Variants in GREB1L observed in about 807,000 individuals in gnomAD.
The protein encoded by GREB1L is GREB1 like retinoic acid receptor coactivator, also known as GREB1-like protein.
Under a neutral mutation model 200.8 loss-of-function variants are expected in GREB1L, and 17 were observed. The ratio of observed to expected loss-of-function variants is 0.08; its 90% confidence interval spans 0.06 to 0.13. The LOEUF (loss-of-function observed/expected upper bound fraction) is 0.13. Ranked by LOEUF, GREB1L falls within the 10% of genes least tolerant of loss-of-function variation. GREB1L has a pLI of 1.00. For missense variants in GREB1L, 1,657 were observed against 2,367.7 expected (o/e 0.70, Z 6.23); for synonymous variants, 789 against 893.0 (o/e 0.88, Z 2.08).
At chr18:21,262,058 T>C (rs1157832002) in intron 1 of GREB1L, among the ~76,000 whole-genome samples, 1 of 152,144 alleles carries the variant, frequency 6.6e-6, no homozygotes, top group East Asian at 1.9e-4. Context: ...TTGAGTTTTA[T>C]AGTAACCAGT....
At chr18:21,387,311 G>A (rs1259746631) in intron 4 of GREB1L, among the ~76,000 whole-genome samples, 2 of 152,206 alleles carry the variant, frequency 1.3e-5, no homozygotes, top group Non-Finnish European at 2.9e-5. Flanking sequence ...TTTCTGTGAA[G>A]TGAAATCTTT....
chr18:21,409,145 G>A (rs1022799943), intron 7 of GREB1L, among the ~76,000 whole-genome samples: 9 of 152,176 alleles, frequency 5.9e-5, no homozygotes, highest in Non-Finnish European at 1.3e-4. Flanking sequence ...ACTTGTGAAT[G>A]GCTGGACAAA....
chr18:21,317,377 G>T (rs1361956244), intron 1 of GREB1L: 3 of 152,136 alleles, frequency 2.0e-5, no homozygotes, highest in Admixed American at 6.6e-5. Context: ...AAGGTGGGTA[G>T]ATTACTTGAG....
intron 1 of GREB1L, among the ~76,000 whole-genome samples, chr18:21,313,595 A>G (rs1205995828): frequency 6.6e-6 from 1 of 152,230 alleles, no homozygotes; most frequent in Non-Finnish European, 1.5e-5. Flanking sequence ...TAGGACAGCC[A>G]TACCAGCAGT....
At chr18:21,255,443 G>A (rs1355461739) in intron 1 of GREB1L, among the ~76,000 whole-genome samples, 1 of 152,180 alleles carries the variant, frequency 6.6e-6, no homozygotes, top group Non-Finnish European at 1.5e-5. Context: ...CTGACGGAAA[G>A]CACTGCTCTA....
chr18:21,479,861 C>T (rs1459983645), intron 17 of GREB1L, among the ~76,000 whole-genome samples: 1 of 152,118 alleles, frequency 6.6e-6, no homozygotes, highest in Non-Finnish European at 1.5e-5. Context: ...CCACCTCACC[C>T]TCCCAAGTAG....
At chr18:21,511,981 A>T (rs970369107) in intron 27 of GREB1L, among the ~76,000 whole-genome samples, 3 of 152,098 alleles carry the variant, frequency 2.0e-5, no homozygotes, top group African/African-American at 7.2e-5. Context: ...TCTGTTACCC[A>T]CTGAATGGCT....
chr18:21,512,086 T>A (rs2037261025), intron 27 of GREB1L, among the ~76,000 whole-genome samples: 1 of 152,240 alleles, frequency 6.6e-6, no homozygotes, highest in African/African-American at 2.4e-5. Context: ...ACTGTTTTCA[T>A]TACTATAGCT....
intron 1 of GREB1L, among the ~76,000 whole-genome samples, chr18:21,323,374 T>A (rs2038978651): frequency 6.6e-6 from 1 of 152,158 alleles, no homozygotes; most frequent in South Asian, 2.1e-4. Context: ...TAACTGATAC[T>A]ACAGACAAAG....
At chr18:21,467,610 G>A (rs8092018) in intron 15 of GREB1L, among the ~76,000 whole-genome samples, 54,313 of 152,002 alleles carry the variant, frequency 0.36, 14,376 homozygotes, top group African/African-American at 0.72. Flanking sequence ...ATGTGGAGAA[G>A]TTGGAACCTC....
chr18:21,496,063 T>A (rs1306522025), intron 20 of GREB1L, among the ~76,000 whole-genome samples: 1 of 152,116 alleles, frequency 6.6e-6, no homozygotes, highest in Non-Finnish European at 1.5e-5. Flanking sequence ...TATAAAGTGC[T>A]TTGTCTTTGT....
intron 2 of GREB1L, among the ~76,000 whole-genome samples, chr18:21,371,851 A>G (rs1417307243): frequency 6.6e-6 from 1 of 151,578 alleles, no homozygotes; most frequent in East Asian, 1.9e-4. Context: ...TGTGCCAGGC[A>G]CTATTCTAAA....
chr18:21,506,076 A>T, intron 25 of GREB1L, 127 bp downstream of exon 25: 2 of 1,002,500 alleles, frequency 2.0e-6, no homozygotes, highest in East Asian at 5.4e-5. Flanking sequence ...GTTTACTCAT[A>T]AGAAGGAGCC....
chr18:21,262,692 AC>A (rs2037908070), intron 1 of GREB1L, among the ~76,000 whole-genome samples: 1 of 152,168 alleles, frequency 6.6e-6, no homozygotes, highest in Non-Finnish European at 1.5e-5. Context: ...TTGTAATTGT[AC>A]AAAGTGTTTC....
intron 1 of GREB1L, among the ~76,000 whole-genome samples, chr18:21,279,044 AT>A (rs2038222230): frequency 6.6e-6 from 1 of 152,258 alleles, no homozygotes; most frequent in South Asian, 2.1e-4. Context: ...AAGTAAAAAA[AT>A]CATTAAGACA....
chr18:21,404,209 T>A (rs1256162766), intron 7 of GREB1L, among the ~76,000 whole-genome samples: 1 of 152,152 alleles, frequency 6.6e-6, no homozygotes, highest in Admixed American at 6.5e-5. Flanking sequence ...TGGTAGGAAA[T>A]TTAGCTGGAG....
chr18:21,475,577 T>G (rs1451120625), intron 16 of GREB1L, among the ~76,000 whole-genome samples: 4 of 151,962 alleles, frequency 2.6e-5, no homozygotes, highest in African/African-American at 4.8e-5. Flanking sequence ...AGGCCAGCCT[T>G]GAACTCCTGA....
intron 17 of GREB1L, among the ~76,000 whole-genome samples, chr18:21,482,549 G>A (rs1270181517): frequency 8.5e-5 from 13 of 152,096 alleles, no homozygotes; most frequent in Non-Finnish European, 1.2e-4. Context: ...GTGAGCCACC[G>A]CGCCTGGCCT....
chr18:21,288,575 A>G (rs1290556442), intron 1 of GREB1L, among the ~76,000 whole-genome samples: 1 of 152,244 alleles, frequency 6.6e-6, no homozygotes, highest in African/African-American at 2.4e-5. Context: ...CCAATCATAC[A>G]TACAGATTTT....
Sources: gnomAD v4.1 joint callset for allele counts (sites outside exome capture counted in the v4.1 genomes callset) on GRCh38, gnomAD v4.1.1 for gene constraint, MANE v1.5 for transcripts, NCBI Gene and HGNC (gene_info 2026-07-23, HGNC 2026-07-21) for gene names.